Variants in CACNA1C observed in about 807,000 individuals in gnomAD.
CACNA1C encodes voltage-dependent L-type calcium channel subunit alpha-1C.
CACNA1C carries 30 observed loss-of-function variants against 229.0 expected under a neutral mutation model. The ratio of observed to expected loss-of-function variants is 0.13; its 90% CI spans 0.10 to 0.18. The LOEUF is 0.18. Among genes scored for constraint, CACNA1C ranks in the 10% least tolerant of loss-of-function variants. The probability of loss-of-function intolerance (pLI) is 1.00; values close to 1 mark genes in which losing one functional copy is unlikely to be tolerated. For synonymous variants in CACNA1C, 1,114 were observed against 1,132.5 expected, an observed-to-expected ratio of 0.98 and a Z score of 0.33; for missense variants, 1,658 against 2,845.0, an observed-to-expected ratio of 0.58 and a Z score of 9.49.
At chr12:2,648,018 G>A (rs1476189846) in intron 30 of CACNA1C, among the ~76,000 whole-genome samples, 1 of 151,998 alleles carries the variant, frequency 6.6e-6, no homozygotes, top group African/African-American at 2.4e-5. Flanking sequence ...CGTTCCTATA[G>A]TCCTAACTAC....
At chr12:2,174,161 G>A (rs1296609998) in intron 3 of CACNA1C, among the ~76,000 whole-genome samples, 2 of 152,092 alleles carry the variant, frequency 1.3e-5, no homozygotes, top group Non-Finnish European at 2.9e-5. Context: ...GAAAAGGGAA[G>A]TGGTATCCCA....
At position 2,053,981 on chromosome 12, in the gene CACNA1C, C is replaced by G. The variant is rs74618594; in HGVS notation, c.49+370C>G. ...CAGCCGCGCGGGGGGCAGAGGGCGC[C>G]GGCGCCGCGGAGCCCAGAGGCCCGG... On this transcript the variant is annotated intron_variant, in intron 1 of 46. Coordinates refer to ENST00000399655, the MANE Select transcript of CACNA1C (RefSeq NM_000719.7). This position sits in a 1 kb window ranked among gnomAD's most constrained non-coding sequence, Gnocchi z 5.8. Among the ~76,000 whole-genome samples, 15,618 of 148,562 alleles carry G rather than the reference C, an allele frequency of 0.11. 1,466 individuals are homozygous for G. The highest frequency in any genetic ancestry group is 0.47 in the East Asian group (2,368 of 5,050).
At chr12:2,658,157 T>A (rs1477876721) in intron 34 of CACNA1C, among the ~76,000 whole-genome samples, 3 of 152,214 alleles carry the variant, frequency 2.0e-5, no homozygotes, top group African/African-American at 4.8e-5. Context: ...AAACACATTC[T>A]TTTTAAACAC....
chr12:2,119,391 C>T (rs919950590), intron 2 of CACNA1C, among the ~76,000 whole-genome samples: 2 of 152,174 alleles, frequency 1.3e-5, no homozygotes, highest in Admixed American at 1.3e-4. Context: ...AGAGCATAGA[C>T]GGGCCCTTCC....
rs979290541 is a variant in CACNA1C at position 2,632,201 on chromosome 12, C to T, written c.3829-2096C>T. Among the ~76,000 whole-genome samples the T allele has an allele frequency of 7.9e-5, 12 of 152,128 alleles. No homozygotes were observed. The highest frequency in any genetic ancestry group is 2.1e-4 in the South Asian group (1 of 4,814). ...TCGCAGACCATTTCTAAACTAAAGG[C>T]GTGAATGTTTTTTCTTAAAGAAGAC... On this transcript the variant is annotated intron_variant, in intron 29 of 46. Coordinates refer to ENST00000399655, the MANE Select transcript of CACNA1C (RefSeq NM_000719.7). This position sits in a 1 kb window ranked among gnomAD's most constrained non-coding sequence, Gnocchi z 4.1.
intron 3 of CACNA1C, among the ~76,000 whole-genome samples, chr12:2,169,591 A>C (rs1238905474): frequency 6.6e-6 from 1 of 152,098 alleles, no homozygotes; most frequent in Non-Finnish European, 1.5e-5. Flanking sequence ...GTGGTCACTG[A>C]ATTGGATTTG....
At chr12:2,631,832 C>G (rs1035418930) in intron 29 of CACNA1C, among the ~76,000 whole-genome samples, 2 of 152,188 alleles carry the variant, frequency 1.3e-5, no homozygotes, top group Non-Finnish European at 2.9e-5. Flanking sequence ...CGAAAGGCCC[C>G]TTTCCCTGTG....
At chr12:2,415,358 C>T (rs887782974) in intron 3 of CACNA1C, among the ~76,000 whole-genome samples, 18 of 152,134 alleles carry the variant, frequency 1.2e-4, no homozygotes, top group Admixed American at 3.3e-4. Flanking sequence ...TGAGCCTGGC[C>T]GGTACACTGA....
intron 3 of CACNA1C, among the ~76,000 whole-genome samples, chr12:2,229,487 C>G (rs2064055462): frequency 6.6e-6 from 1 of 152,094 alleles, no homozygotes; most frequent in African/African-American, 2.4e-5. Context: ...TGAATCCCTG[C>G]CCACGGGGAG....
Position 2,633,798 on chromosome 12 carries a change from T to G in CACNA1C, c.3829-499T>G. The G allele has an allele frequency of 1.3e-6, 1 of 759,230 alleles. No homozygotes were observed. Among genetic ancestry groups the G allele is most frequent in the South Asian group, 1.6e-5 (1 of 61,548 alleles). The allele number at this position is 759,230 out of a possible 1,614,324, so 47.0% of individuals were successfully genotyped here. A position where few individuals can be genotyped will look rare whatever the true frequency, so the allele number is the denominator to read the frequency against. On this transcript the variant is annotated intron_variant, in intron 29 of 46. Coordinates refer to ENST00000399655, the MANE Select transcript of CACNA1C (RefSeq NM_000719.7). This position sits in a 1 kb window ranked among gnomAD's most constrained non-coding sequence, Gnocchi z 5.8. ...TTTCTCTCTCTCTCACTCTCTCTGT[T>G]TACCTTCTTTTATGTTTTTTTTAAT... is the stretch of plus-strand genomic sequence containing the variant.
At chr12:2,130,173 G>A (rs771738384) in intron 3 of CACNA1C, among the ~76,000 whole-genome samples, 1 of 140,156 alleles carries the variant, frequency 7.1e-6, no homozygotes, top group Non-Finnish European at 1.5e-5. Flanking sequence ...TAGTCCCCTC[G>A]ACTACCCCAT....
At chr12:2,648,126 G>C (rs1025350124) in intron 30 of CACNA1C, among the ~76,000 whole-genome samples, 26 of 152,100 alleles carry the variant, frequency 1.7e-4, no homozygotes, top group Admixed American at 1.7e-3. Flanking sequence ...CAACAGAGCT[G>C]AGACCCTGTC....
chr12:2,546,715 T>A (rs549346933), intron 9 of CACNA1C, among the ~76,000 whole-genome samples: 1 of 152,232 alleles, frequency 6.6e-6, no homozygotes, highest in Non-Finnish European at 1.5e-5. Context: ...TCTTCCTTAT[T>A]TACAAACTTC....
Position 2,504,604 on chromosome 12 carries a change from T to C in CACNA1C, c.1114-238T>C, listed in dbSNP as rs2099767616. 5.0e-6 allele frequency: 5 copies of C among 990,554 alleles called. No individual in the cohort carries two copies. The highest frequency in any genetic ancestry group is 8.1e-6 in the Non-Finnish European group (5 of 613,640). 61.4% of individuals were successfully genotyped at this position (990,554 alleles called of 1,614,324 possible). A position where few individuals can be genotyped will look rare whatever the true frequency, so the allele number is the denominator to read the frequency against. On this transcript the variant is annotated intron_variant, in intron 7 of 46. Coordinates refer to ENST00000399655, the MANE Select transcript of CACNA1C (RefSeq NM_000719.7). This position sits in a 1 kb window ranked among gnomAD's most constrained non-coding sequence, Gnocchi z 6.8. ...GAGCAAGGTCTCAGGTTCCACTCCG[T>C]ACATGCCCGGGGTCCTCAGGGATGG... is the stretch of plus-strand genomic sequence containing the variant.
intron 34 of CACNA1C, among the ~76,000 whole-genome samples, chr12:2,664,035 C>T (rs954562212): frequency 5.3e-5 from 8 of 152,110 alleles, no homozygotes; most frequent in East Asian, 1.9e-4. Flanking sequence ...CCACCGCGCC[C>T]GGCCAGAGAA....
chr12:2,031,486 C>T (rs575509248), intron 1 of CACNA1C, among the ~76,000 whole-genome samples: 2 of 152,324 alleles, frequency 1.3e-5, no homozygotes, highest in African/African-American at 4.8e-5. Flanking sequence ...TGCTGCATTC[C>T]TTGTCCCATG....
intron 8 of CACNA1C, among the ~76,000 whole-genome samples, chr12:2,506,748 C>G (rs1488521064): frequency 6.6e-6 from 1 of 152,182 alleles, no homozygotes; most frequent in East Asian, 1.9e-4. Context: ...CCCATGAGAT[C>G]TATGATGAAT....
intron 11 of CACNA1C, 33 bp downstream of exon 11, chr12:2,557,010 C>T (rs374295479): frequency 5.6e-5 from 89 of 1,595,460 alleles, no homozygotes; most frequent in Non-Finnish European, 7.3e-5. Context: ...TTCCTTCCTT[C>T]TGCCACCAGC....
intron 1 of CACNA1C, among the ~76,000 whole-genome samples, chr12:2,014,041 C>T (rs369638852): frequency 1.4e-4 from 21 of 152,200 alleles, no homozygotes; most frequent in African/African-American, 5.1e-4. Flanking sequence ...TAATAAATAG[C>T]CCTCTCCCAG....
Sources: allele counts gnomAD v4.1 joint callset (sites outside exome capture counted in the v4.1 genomes callset), GRCh38; gene constraint gnomAD v4.1.1; non-coding constraint Gnocchi (gnomAD v3.1); transcripts MANE v1.5; gene names NCBI Gene and HGNC (gene_info 2026-07-23, HGNC 2026-07-21).